Variants in SCARA5 observed in about 807,000 individuals in gnomAD.
The protein encoded by SCARA5 is scavenger receptor class A, member 5 (putative).
SCARA5 carries 45 observed loss-of-function variants against 46.3 expected under a neutral mutation model. That is an observed-to-expected ratio of 0.97 (90% CI 0.76 to 1.24). SCARA5 has a LOEUF of 1.24. Among genes scored for constraint, SCARA5 ranks in the 50% most tolerant of loss-of-function variants. The pLI, the probability that SCARA5 is intolerant of heterozygous loss-of-function variation, is 0.00. For missense variants in SCARA5, 680 were observed against 689.0 expected (o/e 0.99, Z 0.15); for synonymous variants, 333 against 306.5 (o/e 1.09, Z -0.90).
chr8:27,880,159 TGGA>T (rs34878950), intron 7 of SCARA5, among the ~76,000 whole-genome samples: 132,544 of 151,942 alleles, frequency 0.87, 57,856 homozygotes, highest in Admixed American at 0.89. Context: ...AGAATGAAAC[TGGA>T]GGACCCCTAC....
chr8:27,951,211 C>A (rs1054984232), intron 3 of SCARA5, among the ~76,000 whole-genome samples: 1 of 152,158 alleles, frequency 6.6e-6, no homozygotes, highest in African/African-American at 2.4e-5. Context: ...ATATGTGCCC[C>A]CAGAAAGGTC....
At position 27,921,667 on chromosome 8, in the gene SCARA5, T is replaced by C. The variant is rs766496135; in HGVS notation, c.820A>G (p.Lys274Glu). 6.2e-7 allele frequency: 1 copy of C among 1,609,028 alleles called. No homozygotes were observed. Among genetic ancestry groups the C allele is most frequent in the East Asian group, 2.2e-5 (1 of 44,696 alleles). ...GCGTTGAGCATGGCCAGCTCCTGCT[T>C]CAGCTGCAGCTCCATGCCTACGTGC... ...LAHVGMELQL[K>E]QELAMLNAVT... is the part of the protein sequence containing the mutation. The change falls in exon 4 of 9, where the codon AAG becomes GAG. Residue 274 changes from lysine (K) to glutamate (E), a missense_variant. Coordinates refer to ENST00000354914, the MANE Select transcript of SCARA5 (RefSeq NM_173833.6).
At chr8:27,973,717 G>A (rs1407289264) in intron 2 of SCARA5, among the ~76,000 whole-genome samples, 3 of 152,260 alleles carry the variant, frequency 2.0e-5, no homozygotes, top group Non-Finnish European at 2.9e-5. Flanking sequence ...TCCATGGCAC[G>A]GAGGCCACAG....
chr8:27,933,308 G>A (rs1807806320), intron 3 of SCARA5, among the ~76,000 whole-genome samples: 1 of 151,904 alleles, frequency 6.6e-6, no homozygotes, highest in South Asian at 2.1e-4. Flanking sequence ...AACCACCTAA[G>A]GTCAGGAGTT....
chr8:27,959,224 C>T (rs1201269489), intron 3 of SCARA5, among the ~76,000 whole-genome samples: 1 of 152,094 alleles, frequency 6.6e-6, no homozygotes, highest in Admixed American at 6.5e-5. Flanking sequence ...CAGAGTGAGA[C>T]TCTGTCTCAA....
intron 3 of SCARA5, among the ~76,000 whole-genome samples, chr8:27,925,170 G>C (rs576827746): frequency 1.3e-5 from 2 of 152,168 alleles, no homozygotes; most frequent in Non-Finnish European, 2.9e-5. Context: ...AAAAGAGCCC[G>C]TTTTGCCAAG....
chr8:27,886,467 G>A (rs1282892058), intron 7 of SCARA5, among the ~76,000 whole-genome samples: 1 of 152,198 alleles, frequency 6.6e-6, no homozygotes, highest in Admixed American at 6.5e-5. Context: ...GAAACCACAG[G>A]CTGAGGTCTG....
chr8:27,949,770 G>T (rs908138125), intron 3 of SCARA5, among the ~76,000 whole-genome samples: 1 of 152,240 alleles, frequency 6.6e-6, no homozygotes, highest in Non-Finnish European at 1.5e-5. Flanking sequence ...TCTCAGGTCT[G>T]AGTCCTCCCC....
chr8:27,920,892 C>T (rs10099244), intron 4 of SCARA5, among the ~76,000 whole-genome samples: 87,613 of 151,788 alleles, frequency 0.58, 26,457 homozygotes, highest in Middle Eastern at 0.73. Flanking sequence ...AGGAGAATGG[C>T]GTGAACCCGG....
intron 3 of SCARA5, among the ~76,000 whole-genome samples, chr8:27,961,969 C>T (rs938023137): frequency 6.6e-6 from 1 of 152,042 alleles, no homozygotes; most frequent in Admixed American, 6.6e-5. Flanking sequence ...GTAGAATAGG[C>T]AGAAATTTTT....
chr8:27,939,085 C>T (rs2685307), intron 3 of SCARA5, among the ~76,000 whole-genome samples: 151,059 of 152,324 alleles, frequency 0.99, 74,912 homozygotes, highest in Middle Eastern at 1. Context: ...GAATATCTGA[C>T]ACATGTATGA....
chr8:27,872,193 G>A lies in SCARA5; in HGVS notation c.1352-123C>T, dbSNP rs1366273828. On this transcript the variant is annotated intron_variant, in intron 8 of 8. Coordinates refer to ENST00000354914, the MANE Select transcript of SCARA5 (RefSeq NM_173833.6). ...GTACACTCAAACCTAGGGGCTTCCAGCTGCCCTCTCCACGCCCCCCGAAGA... is the reference window on the plus strand; with the variant it reads ...GTACACTCAAACCTAGGGGCTTCCAACTGCCCTCTCCACGCCCCCCGAAGA... 1.0e-5 allele frequency: 10 copies of A among 973,792 alleles called. No individual in the cohort carries two copies. The Admixed American group carries it at 1.7e-4, about 17-fold the overall frequency. 60.3% of individuals were successfully genotyped at this position (973,792 alleles called of 1,614,324 possible). A position where few individuals can be genotyped will look rare whatever the true frequency, so the allele number is the denominator to read the frequency against.
chr8:27,940,926 G>A (rs996096949), intron 3 of SCARA5, among the ~76,000 whole-genome samples: 1 of 152,058 alleles, frequency 6.6e-6, no homozygotes, highest in East Asian at 1.9e-4. Context: ...AGAGTATTTT[G>A]CATTATTAGA....
chr8:27,881,659 C>T (rs1009360779), intron 7 of SCARA5, among the ~76,000 whole-genome samples: 2 of 152,112 alleles, frequency 1.3e-5, no homozygotes, highest in Admixed American at 6.5e-5. Flanking sequence ...TGCACATGTA[C>T]CCCCTGAATC....
At chr8:27,908,850 T>G (rs1430678871) in intron 5 of SCARA5, 1 of 152,102 alleles carries the variant, frequency 6.6e-6, no homozygotes, top group Non-Finnish European at 1.5e-5. Flanking sequence ...GCTGGGAGCT[T>G]TCCTTCCTCC....
chr8:27,989,329 T>C (rs1808753531), intron 1 of SCARA5, among the ~76,000 whole-genome samples: 1 of 151,934 alleles, frequency 6.6e-6, no homozygotes, highest in Non-Finnish European at 1.5e-5. Context: ...GGTTTCACCA[T>C]GTTGGCCAGG....
chr8:27,892,605 C>CTT lies in SCARA5; in HGVS notation c.1153+12172_1153+12173insAA, dbSNP rs1224026831. Among the ~76,000 whole-genome samples the CTT allele has an allele frequency of 9.7e-4, 116 of 119,768 alleles. 16 individuals carry two copies. Among genetic ancestry groups the CTT allele is most frequent in the Non-Finnish European group, 1.2e-3 (63 of 54,194 alleles). 78.6% of individuals were successfully genotyped at this position (119,768 alleles called of 152,430 possible). A position where few individuals can be genotyped will look rare whatever the true frequency, so the allele number is the denominator to read the frequency against. On this transcript the variant is annotated intron_variant, in intron 7 of 8. Transcript: ENST00000354914. Reference sequence around the variant, plus strand: ...CAGAAGTGACCTCTCCATACCTCACCCTTTTTTTTTTTTTTTTTTTTTGAG... The same window carrying CTT: ...CAGAAGTGACCTCTCCATACCTCACCTTCTTTTTTTTTTTTTTTTTTTTTGAG...
chr8:27,947,311 C>T (rs942942589), intron 3 of SCARA5, among the ~76,000 whole-genome samples: 27 of 152,262 alleles, frequency 1.8e-4, no homozygotes, highest in Admixed American at 5.9e-4. Context: ...TGCACCCAGC[C>T]TCTGTTGGAC....
At chr8:27,873,468 C>G (rs1234824066) in intron 8 of SCARA5, among the ~76,000 whole-genome samples, 3 of 152,138 alleles carry the variant, frequency 2.0e-5, no homozygotes, top group African/African-American at 7.2e-5. Flanking sequence ...ATGGCCGGTT[C>G]CTGCCTTAAC....
Sources: gnomAD v4.1 joint callset for allele counts (sites outside exome capture counted in the v4.1 genomes callset) on GRCh38, gnomAD v4.1.1 for gene constraint, MANE v1.5 for transcripts, NCBI Gene and HGNC (gene_info 2026-07-23, HGNC 2026-07-21) for gene names.